Variants in PHF21B observed in about 807,000 individuals in gnomAD.
PHF21B encodes PHD finger protein 4.
Under a neutral mutation model 62.2 loss-of-function variants are expected in PHF21B, and 22 were observed. The observed-to-expected ratio is 0.35, with a 90% CI of 0.25 to 0.51. The LOEUF (loss-of-function observed/expected upper bound fraction) is 0.51, where lower values mean the gene tolerates loss of function less well. PHF21B is among the 20% of genes least tolerant of loss of function. The pLI, the probability that PHF21B is intolerant of heterozygous loss-of-function variation, is 0.97. For synonymous variants in PHF21B, 341 were observed against 314.7 expected, an observed-to-expected ratio of 1.08 and a Z score of -0.88; for missense variants, 701 against 707.9, an observed-to-expected ratio of 0.99 and a Z score of 0.11.
chr22:44,949,161 T>C (rs2072139781), intron 2 of PHF21B, among the ~76,000 whole-genome samples: 1 of 151,590 alleles, frequency 6.6e-6, no homozygotes, highest in African/African-American at 2.4e-5. Flanking sequence ...ATTAGTTGGG[T>C]GTAGTGGCGC....
chr22:45,007,248 G>A (rs937796900), intron 2 of PHF21B, among the ~76,000 whole-genome samples: 29 of 149,882 alleles, frequency 1.9e-4, no homozygotes, highest in Non-Finnish European at 3.7e-4. Flanking sequence ...CGCCACTCGC[G>A]CACGCCCCCT....
intron 2 of PHF21B, among the ~76,000 whole-genome samples, chr22:44,994,773 A>C (rs1482941919): frequency 6.6e-6 from 1 of 152,024 alleles, no homozygotes; most frequent in Non-Finnish European, 1.5e-5. Context: ...ACCCCCACTT[A>C]CATACAGGCT....
At chr22:44,983,960 T>C (rs1423808586) in intron 2 of PHF21B, among the ~76,000 whole-genome samples, 1 of 151,788 alleles carries the variant, frequency 6.6e-6, no homozygotes, top group African/African-American at 2.4e-5. Context: ...GCTGGGCCCC[T>C]TTCCGACATG....
chr22:45,005,642 C>T (rs894234115), intron 2 of PHF21B, among the ~76,000 whole-genome samples: 7 of 152,140 alleles, frequency 4.6e-5, no homozygotes, highest in African/African-American at 9.7e-5. Context: ...GACAGGATTC[C>T]GCTGCTGGCG....
At chr22:44,922,850 C>A (rs924883603) in intron 2 of PHF21B, among the ~76,000 whole-genome samples, 11 of 152,112 alleles carry the variant, frequency 7.2e-5, no homozygotes, top group Non-Finnish European at 1.5e-4. Flanking sequence ...ATACCGTAAC[C>A]ATGAATCAGA....
intron 2 of PHF21B, chr22:45,003,284 C>G (rs978026868): frequency 3.9e-5 from 6 of 152,332 alleles, no homozygotes; most frequent in African/African-American, 1.4e-4. Context: ...TCAGCAGGCA[C>G]CCCTCAGGGA....
intron 2 of PHF21B, among the ~76,000 whole-genome samples, chr22:44,931,713 A>C (rs1227820386): frequency 2.0e-5 from 3 of 152,016 alleles, no homozygotes; most frequent in African/African-American, 7.3e-5. Flanking sequence ...TGTATTCTGG[A>C]AACTTCTGCA....
chr22:44,950,296 C>T (rs2072167039), intron 2 of PHF21B, among the ~76,000 whole-genome samples: 2 of 152,244 alleles, frequency 1.3e-5, no homozygotes, highest in Admixed American at 1.3e-4. Context: ...ACTCATTAAT[C>T]CCCTCTAACA....
intron 2 of PHF21B, among the ~76,000 whole-genome samples, chr22:44,995,904 G>A (rs2073114267): frequency 6.6e-6 from 1 of 151,938 alleles, no homozygotes; most frequent in Admixed American, 6.6e-5. Context: ...GCAGAGGAAG[G>A]AGCCAGGTGT....
intron 5 of PHF21B, among the ~76,000 whole-genome samples, chr22:44,896,880 G>GGTTTTTTTT (rs1555933162): frequency 1.2e-5 from 1 of 84,092 alleles, no homozygotes; most frequent in Non-Finnish European, 2.4e-5. Context: ...AGTTTTATCT[G>GGTTTTTTTT]TTTTTTTTTT....
chr22:44,896,994 T>A (rs911770127), intron 5 of PHF21B, among the ~76,000 whole-genome samples: 1 of 149,010 alleles, frequency 6.7e-6, no homozygotes, highest in African/African-American at 2.5e-5. Context: ...TCCTCCTACC[T>A]CAGCCTCCCG....
Position 44,986,896 on chromosome 22 carries a change from T to A in PHF21B, c.120+21649A>T, listed in dbSNP as rs546365720. Among the ~76,000 whole-genome samples, 182 of 147,100 alleles carry A rather than the reference T, an allele frequency of 1.2e-3. 7 individuals are homozygous for A. The South Asian group carries it at 0.037, about 30-fold the overall frequency. ...GCAGGTACAGGTGGGGTCCTGGAGA[T>A]GGGGAGACGGCAGGTGCAGGTGGGG... On this transcript the variant is annotated intron_variant, in intron 2 of 12. Coordinates refer to ENST00000313237, the MANE Select transcript of PHF21B (RefSeq NM_138415.5).
chr22:44,981,986 C>T (rs2072850636), intron 2 of PHF21B, among the ~76,000 whole-genome samples: 2 of 152,246 alleles, frequency 1.3e-5, no homozygotes, highest in South Asian at 4.1e-4. Context: ...GACTTCCCAG[C>T]CCCAGCCCTC....
chr22:45,005,333 A>G (rs1477888176), intron 2 of PHF21B, among the ~76,000 whole-genome samples: 1 of 151,958 alleles, frequency 6.6e-6, no homozygotes, highest in East Asian at 1.9e-4. Context: ...GCCACAACTC[A>G]TCAGCTCTGA....
intron 2 of PHF21B, among the ~76,000 whole-genome samples, chr22:44,978,207 T>C (rs1408388476): frequency 6.6e-6 from 1 of 152,178 alleles, no homozygotes; most frequent in East Asian, 1.9e-4. Context: ...TCATCTTTAC[T>C]AGATGTTTCC....
At chr22:44,969,779 A>T (rs2072602094) in intron 2 of PHF21B, among the ~76,000 whole-genome samples, 1 of 152,178 alleles carries the variant, frequency 6.6e-6, no homozygotes, top group Non-Finnish European at 1.5e-5. Flanking sequence ...CTGAGTGTAG[A>T]CTTTCCGCTA....
At chr22:44,957,419 C>T (rs1202449398) in intron 2 of PHF21B, among the ~76,000 whole-genome samples, 2 of 152,222 alleles carry the variant, frequency 1.3e-5, no homozygotes, top group Non-Finnish European at 2.9e-5. Flanking sequence ...GGCTGGCATG[C>T]GGGCCCCTCA....
intron 2 of PHF21B, among the ~76,000 whole-genome samples, chr22:44,979,886 T>C (rs945620492): frequency 6.6e-6 from 1 of 151,784 alleles, no homozygotes; most frequent in Admixed American, 6.6e-5. Context: ...CTGGCCGACA[T>C]GGTGAAACCC....
At chr22:44,949,862 CGCT>C (rs990066223) in intron 2 of PHF21B, among the ~76,000 whole-genome samples, 1 of 152,126 alleles carries the variant, frequency 6.6e-6, no homozygotes, top group Non-Finnish European at 1.5e-5. Context: ...TTTTCGGCAC[CGCT>C]GCAAGAACAG....
Sources: allele counts gnomAD v4.1 joint callset (sites outside exome capture counted in the v4.1 genomes callset), GRCh38; gene constraint gnomAD v4.1.1; transcripts MANE v1.5; gene names NCBI Gene and HGNC (gene_info 2026-07-23, HGNC 2026-07-21).